The following SMAP2 variants were observed in gnomAD, a reference collection of about 807,000 sequenced individuals.
The protein encoded by SMAP2 is stromal membrane-associated protein 2.
SMAP2 carries 25 observed loss-of-function variants against 56.4 expected under a neutral mutation model. That is an observed-to-expected ratio of 0.44 (90% confidence interval 0.32 to 0.62). The LOEUF (loss-of-function observed/expected upper bound fraction) is 0.62, where lower values mean the gene tolerates loss of function less well. Ranked by LOEUF, SMAP2 falls within the 20% of genes least tolerant of loss-of-function variation. SMAP2 has a pLI of 0.04. For synonymous variants in SMAP2, 157 were observed against 181.7 expected (o/e 0.86, Z 1.09); for missense variants, 388 against 545.6 (o/e 0.71, Z 2.88).
chr1:40,416,151 C>T (rs1644984369), intron 7 of SMAP2, 25 bp from the exon 8 acceptor site: 2 of 1,601,828 alleles, frequency 1.2e-6, no homozygotes, highest in African/African-American at 1.3e-5. Flanking sequence ...CATTTCAATT[C>T]TCCCCCCGCC....
Position 40,373,949 on chromosome 1 carries a change from A to G in SMAP2, c.-172A>G, listed in dbSNP as rs951930025. 61 of 555,688 alleles carry G rather than the reference A, an allele frequency of 1.1e-4. No individual in the cohort carries two copies. Among genetic ancestry groups the G allele is most frequent in the Non-Finnish European group, 2.3e-5 (7 of 309,694 alleles). The allele number at this position is 555,688 out of a possible 1,614,324, so 34.4% of individuals were successfully genotyped here. A position where few individuals can be genotyped will look rare whatever the true frequency, so the allele number is the denominator to read the frequency against. On this transcript the variant is annotated 5_prime_UTR_variant, in exon 1 of 10. Transcript: ENST00000372718. Reference sequence around the variant, plus strand: ...GCGCCGAGGGGCTGCGGAGTGGGGGACGGACGCCCCCGACCCGGGAAGGGG... The same window carrying G: ...GCGCCGAGGGGCTGCGGAGTGGGGGGCGGACGCCCCCGACCCGGGAAGGGG...
chr1:40,360,249 G>A (rs535954991), intron 1 of SMAP2, among the ~76,000 whole-genome samples: 31 of 149,834 alleles, frequency 2.1e-4, no homozygotes, highest in Admixed American at 1.4e-3. Context: ...CTCATGATCC[G>A]CCTGCCTCGG....
rs776196037 is a variant in SMAP2, at chr1:40,374,620, T to TGAGAGA, written c.103+398_103+399insAGAGAG. ...GCGTGTGTGTGTGTGTGTGTGTGTG[T>TGAGAGA]GTGTGAGAGAGAGAGAGAGAGAATG... On this transcript the variant is annotated intron_variant, in intron 1 of 9. Transcript: ENST00000372718. This position sits in a 1 kb window ranked among gnomAD's most constrained non-coding sequence, Gnocchi z 5.9. 9 of 1,341,468 alleles carry TGAGAGA rather than the reference T, an allele frequency of 6.7e-6. No individual in the cohort carries two copies. The African/African-American group carries it at 1.1e-4, about 16-fold the overall frequency. The allele number at this position is 1,341,468 out of a possible 1,614,324, so 83.1% of individuals were successfully genotyped here.
chr1:40,408,827 G>T lies in SMAP2; in HGVS notation c.323+89G>T. On this transcript the variant is annotated intron_variant, in intron 3 of 9. Transcript: ENST00000372718. The surrounding 1 kb of genome is among the most constrained non-coding windows in gnomAD (Gnocchi z 4.3). Reference sequence around the variant, plus strand: ...AGACTCCAGTCCTGTAATGTGACTGGGTCATCTCTATGTGGATTAGTCAGT... The same window carrying T: ...AGACTCCAGTCCTGTAATGTGACTGTGTCATCTCTATGTGGATTAGTCAGT... The T allele has an allele frequency of 9.8e-7, 1 of 1,017,602 alleles. No homozygotes were observed. Among genetic ancestry groups the T allele is most frequent in the East Asian group, 2.4e-5 (1 of 41,546 alleles). The allele number at this position is 1,017,602 out of a possible 1,614,324, so 63.0% of individuals were successfully genotyped here. A position where few individuals can be genotyped will look rare whatever the true frequency, so the allele number is the denominator to read the frequency against.
At chr1:40,407,822 A>G (rs1033092672) in intron 2 of SMAP2, among the ~76,000 whole-genome samples, 1 of 152,224 alleles carries the variant, frequency 6.6e-6, no homozygotes, top group Non-Finnish European at 1.5e-5. Context: ...GCTGGAATGC[A>G]TACATGAATC....
chr1:40,393,462 C>A, intron 1 of SMAP2: 1 of 1,533,400 alleles, frequency 6.5e-7, no homozygotes, highest in Non-Finnish European at 8.7e-7. Context: ...AGATGTTTTG[C>A]AAATAGAGGA....
At chr1:40,396,523 C>G (rs1226476759) in intron 1 of SMAP2, among the ~76,000 whole-genome samples, 1 of 152,134 alleles carries the variant, frequency 6.6e-6, no homozygotes, top group Non-Finnish European at 1.5e-5. Context: ...AACTTATGCT[C>G]TTTTTTCAAC....
At chr1:40,345,366 C>T (rs555370663) in intron 1 of SMAP2, among the ~76,000 whole-genome samples, 2 of 151,898 alleles carry the variant, frequency 1.3e-5, no homozygotes, top group African/African-American at 2.4e-5. Flanking sequence ...GCACTCCAGC[C>T]TAGGCAAGAC....
At chr1:40,412,136 ATAAT>A (rs781403207) in intron 4 of SMAP2, among the ~76,000 whole-genome samples, 2 of 152,212 alleles carry the variant, frequency 1.3e-5, no homozygotes, top group East Asian at 1.9e-4. Context: ...TTTAGCATAA[ATAAT>A]TCTGGGGTGA....
chr1:40,391,389 A>G (rs1644714655), intron 1 of SMAP2, among the ~76,000 whole-genome samples: 1 of 152,124 alleles, frequency 6.6e-6, no homozygotes. Context: ...CACCTGGCCA[A>G]CTTTGAAATG....
At chr1:40,416,387 G>C in intron 8 of SMAP2, 46 bp downstream of exon 8, 6 of 1,574,330 alleles carry the variant, frequency 3.8e-6, no homozygotes, top group Non-Finnish European at 5.2e-6. Flanking sequence ...AGAGACATGA[G>C]GGCTTCCATG....
intron 1 of SMAP2, among the ~76,000 whole-genome samples, chr1:40,399,742 A>G (rs576791616): frequency 6.6e-6 from 1 of 151,522 alleles, no homozygotes; most frequent in Non-Finnish European, 1.5e-5. Flanking sequence ...TGAAAAAAAG[A>G]GTAAAGGGTA....
intron 1 of SMAP2, among the ~76,000 whole-genome samples, chr1:40,377,978 T>A (rs929877818): frequency 2.0e-5 from 3 of 152,192 alleles, no homozygotes; most frequent in Admixed American, 6.5e-5. Context: ...CTTTAAATCA[T>A]CTCTAGATTA....
intron 1 of SMAP2, among the ~76,000 whole-genome samples, chr1:40,388,352 C>T (rs1005984335): frequency 1.3e-5 from 2 of 152,360 alleles, no homozygotes; most frequent in African/African-American, 2.4e-5. Flanking sequence ...TTATGTCTAG[C>T]TCAGGGATTG....
chr1:40,360,145 TACA>T (rs1644453734), intron 1 of SMAP2, among the ~76,000 whole-genome samples: 1 of 149,672 alleles, frequency 6.7e-6, no homozygotes, highest in African/African-American at 2.5e-5. Flanking sequence ...TAGCTGGGAC[TACA>T]GGTGCCCACC....
At chr1:40,351,817 T>A (rs1303742005) in intron 1 of SMAP2, among the ~76,000 whole-genome samples, 3 of 152,116 alleles carry the variant, frequency 2.0e-5, no homozygotes, top group Admixed American at 6.6e-5. Flanking sequence ...TAATTTTTTT[T>A]AATAGAGACA....
chr1:40,408,514 C>G lies in SMAP2; in HGVS notation c.238-139C>G. On this transcript the variant is annotated intron_variant, in intron 2 of 9. Transcript: ENST00000372718. This position sits in a 1 kb window ranked among gnomAD's most constrained non-coding sequence, Gnocchi z 4.3. ...GTAGAGGGAATCATGAATTGGAAAT[C>G]AGAATACACAAGTTTAAATGTTGGT... The G allele has an allele frequency of 1.6e-6, 1 of 607,592 alleles. No homozygotes were observed. Among genetic ancestry groups the G allele is most frequent in the Non-Finnish European group, 2.9e-6 (1 of 347,372 alleles). 37.6% of individuals were successfully genotyped at this position (607,592 alleles called of 1,614,324 possible).
At chr1:40,375,914 T>C in intron 1 of SMAP2, 1 of 249,174 alleles carries the variant, frequency 4.0e-6, no homozygotes, top group Non-Finnish European at 6.4e-6. Flanking sequence ...GATTCACTAC[T>C]TCTTCCTCCA....
intron 1 of SMAP2, among the ~76,000 whole-genome samples, chr1:40,352,729 T>C (rs1191197555): frequency 1.3e-5 from 2 of 152,074 alleles, no homozygotes; most frequent in Admixed American, 1.3e-4. Flanking sequence ...TGCCTCGCTA[T>C]GTTGCCCAGG....
Sources: gnomAD v4.1 joint callset for allele counts (sites outside exome capture counted in the v4.1 genomes callset) on GRCh38, gnomAD v4.1.1 for gene constraint, Gnocchi (gnomAD v3.1) non-coding constraint, MANE v1.5 for transcripts, NCBI Gene and HGNC (gene_info 2026-07-23, HGNC 2026-07-21) for gene names.